OR8B3: variants seen among roughly 807,000 people sequenced by gnomAD.
The protein encoded by OR8B3 is olfactory receptor family 8 subfamily B member 3.
For missense variants in OR8B3, 278 were observed against 377.6 expected (o/e 0.74, Z 2.19); for synonymous variants, 102 against 135.4 (o/e 0.75, Z 1.71).
chr11:124,408,564 T>C, the OR8B3 span, among the ~76,000 whole-genome samples: 3 of 152,272 alleles, frequency 2.0e-5, no homozygotes, highest in African/African-American at 4.8e-5. Context: ...TGAAGAAATC[T>C]GTCTAAGAAA....
rs1466121090 is a variant in OR8B3, at chr11:124,396,995, T to G, written c.357A>C (p.Ala119=). 6.2e-7 allele frequency: 1 copy of G among 1,613,762 alleles called. No homozygotes were observed. The highest frequency in any genetic ancestry group is 1.7e-5 in the Admixed American group (1 of 59,922). The stretch of plus-strand genomic sequence containing the variant: ...TACAGATGGCCACATAGCGATCATA[T>G]GCCATTGAGGTCAACATGTAACATT... ...ISECYMLTSM[A]YDRYVAICNP... The change falls in exon 2 of 2, where the codon GCA becomes GCC. Residue 119 remains alanine, a synonymous_variant. Transcript: ENST00000641139.
At chr11:124,403,687 C>A (rs1489260598), upstream of OR8B3, among the ~76,000 whole-genome samples, 1 of 152,120 alleles carries the variant, frequency 6.6e-6, no homozygotes, top group African/African-American at 2.4e-5. Context: ...CAGGCAGAGA[C>A]GCTCTTCACT....
At chr11:124,405,558 CTGA>C in the OR8B3 span, among the ~76,000 whole-genome samples, 5 of 152,324 alleles carry the variant, frequency 3.3e-5, no homozygotes, top group Admixed American at 1.3e-4. Context: ...GGGGGCAAAT[CTGA>C]TGATGCAGCA....
the OR8B3 span, among the ~76,000 whole-genome samples, chr11:124,407,423 C>G: frequency 1.3e-5 from 2 of 152,126 alleles, no homozygotes; most frequent in East Asian, 3.9e-4. Context: ...ATACCCCACT[C>G]TCATGTCCCC....
At chr11:124,408,131 A>G in the OR8B3 span, among the ~76,000 whole-genome samples, 1 of 152,186 alleles carries the variant, frequency 6.6e-6, no homozygotes, top group Non-Finnish European at 1.5e-5. Flanking sequence ...ATGACGTTGT[A>G]TCCTGAGACC....
At chr11:124,405,756 G>A in the OR8B3 span, among the ~76,000 whole-genome samples, 1 of 152,348 alleles carries the variant, frequency 6.6e-6, no homozygotes, top group East Asian at 1.9e-4. Flanking sequence ...TCTGGAGAAA[G>A]TGATTCAAAG....
chr11:124,400,445 A>G (rs1843443522), upstream of OR8B3, among the ~76,000 whole-genome samples: 1 of 152,090 alleles, frequency 6.6e-6, no homozygotes, highest in Non-Finnish European at 1.5e-5. Context: ...CCTCCTTTCT[A>G]ATTAAAACTT....
In OR8B3 at chr11:124,397,518, TCAA is replaced by T. The variant is rs1860910162; in HGVS notation, c.-17-153_-17-151del. 3 of 557,974 alleles carry T rather than the reference TCAA, an allele frequency of 5.4e-6. No homozygotes were observed. In the East Asian group the frequency reaches 8.8e-5, roughly 16 times the overall value. 34.6% of individuals were successfully genotyped at this position (557,974 alleles called of 1,614,324 possible). ...CTGAATGTACTGCCACTCCCACTCC[TCAA>T]CATTTCAGTCAGTGTCTTTTGTCTG... is the stretch of plus-strand genomic sequence containing the variant. On this transcript the variant is annotated intron_variant, in intron 1 of 1. Coordinates refer to ENST00000641139, the MANE Select transcript of OR8B3 (RefSeq NM_001005467.2).
chr11:124,408,515 T>C, the OR8B3 span, among the ~76,000 whole-genome samples: 2 of 152,194 alleles, frequency 1.3e-5, no homozygotes, highest in Non-Finnish European at 2.9e-5. Context: ...TGGAGACACA[T>C]GTTCATAAGG....
chr11:124,396,237 T>G lies in OR8B3; in HGVS notation c.*173A>C. 1 of 612,362 alleles carries G rather than the reference T, an allele frequency of 1.6e-6. No individual in the cohort carries two copies. Among genetic ancestry groups the G allele is most frequent in the Non-Finnish European group, 2.8e-6 (1 of 360,426 alleles). The allele number at this position is 612,362 out of a possible 1,614,324, so 37.9% of individuals were successfully genotyped here. ...ACCTATTTAGTAAAATTGTGAGAAG[T>G]GCCAGAGATGCAAAACCAAAAAAAG... is the stretch of plus-strand genomic sequence containing the variant. On this transcript the variant is annotated 3_prime_UTR_variant, in exon 2 of 2. Coordinates refer to ENST00000641139, the MANE Select transcript of OR8B3 (RefSeq NM_001005467.2).
chr11:124,408,022 CTAAG>C, the OR8B3 span, among the ~76,000 whole-genome samples: 15 of 151,840 alleles, frequency 9.9e-5, no homozygotes, highest in African/African-American at 3.4e-4. Flanking sequence ...AAATTTATTC[CTAAG>C]TTAGTTTGGG....
At chr11:124,401,298 G>A (rs1262230116), upstream of OR8B3, among the ~76,000 whole-genome samples, 2 of 149,236 alleles carry the variant, frequency 1.3e-5, no homozygotes, top group East Asian at 2.0e-4. Flanking sequence ...TGCTATAAAG[G>A]CATTAATTCA....
chr11:124,396,248 C>G lies in OR8B3; in HGVS notation c.*162G>C. The G allele has an allele frequency of 1.4e-6, 1 of 736,344 alleles. No individual in the cohort carries two copies. Among genetic ancestry groups the G allele is most frequent in the Non-Finnish European group, 2.1e-6 (1 of 472,386 alleles). 45.6% of individuals were successfully genotyped at this position (736,344 alleles called of 1,614,324 possible). A position where few individuals can be genotyped will look rare whatever the true frequency, so the allele number is the denominator to read the frequency against. ...AAAATTGTGAGAAGTGCCAGAGATG[C>G]AAAACCAAAAAAAGAGACAAGATGA... On this transcript the variant is annotated 3_prime_UTR_variant, in exon 2 of 2. Coordinates refer to ENST00000641139, the MANE Select transcript of OR8B3 (RefSeq NM_001005467.2).
At chr11:124,403,876 C>A (rs543394243), upstream of OR8B3, among the ~76,000 whole-genome samples, 1 of 152,144 alleles carries the variant, frequency 6.6e-6, no homozygotes, top group Admixed American at 6.5e-5. Flanking sequence ...CTCGGGAGGC[C>A]GAGGCTGGCA....
upstream of OR8B3, among the ~76,000 whole-genome samples, chr11:124,400,349 T>C (rs550045090): frequency 5.3e-5 from 8 of 152,280 alleles, no homozygotes; most frequent in East Asian, 1.5e-3. Flanking sequence ...ACACTTAAAA[T>C]CTACTCTCTT....
the OR8B3 span, chr11:124,404,798 C>A: frequency 6.6e-6 from 1 of 152,166 alleles, no homozygotes; most frequent in African/African-American, 2.4e-5. Flanking sequence ...TTTTTAGGTT[C>A]TTTGACAAAG....
At position 124,396,992 on chromosome 11, in the gene OR8B3, A is replaced by C; in HGVS notation, c.360T>G (p.Tyr120Ter). 1 of 1,613,888 alleles carries C rather than the reference A, an allele frequency of 6.2e-7. No homozygotes were observed. The highest frequency in any genetic ancestry group is 1.1e-5 in the South Asian group (1 of 91,070). ...GATTACAGATGGCCACATAGCGATC[A>C]TATGCCATTGAGGTCAACATGTAAC... ...SECYMLTSMA[Y>*]DRYVAICNPL... is the part of the protein sequence containing the mutation. Residue 120 changes from tyrosine to a stop codon, truncating the protein, a stop_gained, in exon 2 of 2, where the codon TAT becomes TAG. Transcript: ENST00000641139. LOFTEE classifies it low-confidence loss of function (END_TRUNC).
rs1860893048 is a variant in OR8B3, at chr11:124,397,041, A to G, written c.311T>C (p.Phe104Ser). 1.2e-6 allele frequency: 2 copies of G among 1,613,942 alleles called. No homozygotes were observed. Among genetic ancestry groups the G allele is most frequent in the Non-Finnish European group, 1.7e-6 (2 of 1,179,874 alleles). Residue 104 changes from phenylalanine to serine, a missense_variant, in exon 2 of 2, where the codon TTT becomes TCT. Phe to Ser is a radical substitution (Grantham distance 155, BLOSUM62 -2). Coordinates refer to ENST00000641139, the MANE Select transcript of OR8B3 (RefSeq NM_001005467.2). ...YVGCMTQLFFFLFFVISECYM... is the reference protein window; with the variant it reads ...YVGCMTQLFFSLFFVISECYM... ...ACATTCAGAGATGACAAAAAAGAGA[A>G]AGAAAAACAGCTGAGTCATGCACCC...
the OR8B3 span, among the ~76,000 whole-genome samples, chr11:124,407,083 A>G: frequency 6.6e-6 from 1 of 151,922 alleles, no homozygotes; most frequent in Non-Finnish European, 1.5e-5. Flanking sequence ...ATCTTTTCTC[A>G]CTATATACAG....
Sources: allele counts gnomAD v4.1 joint callset (sites outside exome capture counted in the v4.1 genomes callset), GRCh38; gene constraint gnomAD v4.1.1; transcripts MANE v1.5; gene names NCBI Gene and HGNC (gene_info 2026-07-23, HGNC 2026-07-21).